Variants in SHOC2 observed in about 807,000 individuals in gnomAD.
SHOC2 encodes SHOC2 leucine rich repeat scaffold protein.
Under a neutral mutation model 50.2 loss-of-function variants are expected in SHOC2, and 4 were observed. The observed-to-expected ratio is 0.08, with a 90% confidence interval of 0.04 to 0.18. The LOEUF is 0.18. Ranked by LOEUF, SHOC2 falls within the 10% of genes least tolerant of loss-of-function variation. The pLI is 1.00. For missense variants in SHOC2, 388 were observed against 669.6 expected, an observed-to-expected ratio of 0.58 and a Z score of 4.64; for synonymous variants, 218 against 244.5, an observed-to-expected ratio of 0.89 and a Z score of 1.01.
intron 1 of SHOC2, among the ~76,000 whole-genome samples, chr10:110,948,772 GGA>G (rs1488232947): frequency 6.6e-6 from 1 of 152,040 alleles, no homozygotes; most frequent in East Asian, 1.9e-4. Context: ...CTTACATTAA[GGA>G]AAAAAGAAGA....
intron 1 of SHOC2, among the ~76,000 whole-genome samples, chr10:110,954,146 C>T (rs1847411918): frequency 6.6e-6 from 1 of 151,206 alleles, no homozygotes; most frequent in East Asian, 1.9e-4. Flanking sequence ...ATTTAGTGTT[C>T]ACAGTATATA....
chr10:110,966,170 C>G (rs1265461185), intron 2 of SHOC2, among the ~76,000 whole-genome samples: 9 of 151,924 alleles, frequency 5.9e-5, no homozygotes, highest in Admixed American at 5.9e-4. Flanking sequence ...TTAGGTATGA[C>G]TTGTTACATT....
At chr10:110,930,921 G>T (rs1846884783) in intron 1 of SHOC2, among the ~76,000 whole-genome samples, 1 of 152,006 alleles carries the variant, frequency 6.6e-6, no homozygotes, top group African/African-American at 2.4e-5. Context: ...CATATGGTGA[G>T]TTGAAGTGTT....
At chr10:110,956,056 G>C (rs1405171460) in intron 1 of SHOC2, among the ~76,000 whole-genome samples, 2 of 152,112 alleles carry the variant, frequency 1.3e-5, no homozygotes. Flanking sequence ...GCTATGTATG[G>C]GTAGCACATG....
intron 1 of SHOC2, among the ~76,000 whole-genome samples, chr10:110,922,852 G>GT (rs1846682099): frequency 6.6e-6 from 1 of 151,968 alleles, no homozygotes; most frequent in African/African-American, 2.4e-5. Context: ...GTAGGGATTG[G>GT]TATTTTGCTA....
chr10:110,984,034 A>T (rs959135887), intron 2 of SHOC2, among the ~76,000 whole-genome samples: 1 of 152,134 alleles, frequency 6.6e-6, no homozygotes, highest in African/African-American at 2.4e-5. Context: ...CTTGAAGTTG[A>T]ATTGCTGGAT....
At chr10:111,006,844 T>C (rs993372585) in intron 5 of SHOC2, among the ~76,000 whole-genome samples, 2 of 152,332 alleles carry the variant, frequency 1.3e-5, no homozygotes, top group East Asian at 1.9e-4. Context: ...CGAGTTGTTA[T>C]TGATGAAAGT....
intron 2 of SHOC2, among the ~76,000 whole-genome samples, chr10:110,983,493 A>G (rs890323095): frequency 1.3e-5 from 2 of 152,110 alleles, no homozygotes; most frequent in Admixed American, 6.6e-5. Flanking sequence ...GCTATGTCCC[A>G]TAAGTTTTTT....
At position 110,991,614 on chromosome 10, in the gene SHOC2, A is replaced by G. The variant is rs149961764; in HGVS notation, c.841+5849A>G. ...ATATTGTAGTCATTTATCGATTACCATGTTTATTAAAATAATTACTTTATC... is the reference window on the plus strand; with the variant it reads ...ATATTGTAGTCATTTATCGATTACCGTGTTTATTAAAATAATTACTTTATC... On this transcript the variant is annotated intron_variant, in intron 3 of 8. Coordinates refer to ENST00000369452, the MANE Select transcript of SHOC2 (RefSeq NM_007373.4). Among the ~76,000 whole-genome samples the G allele has an allele frequency of 3.5e-4, 54 of 152,332 alleles. No individual in the cohort carries two copies. In the East Asian group the frequency reaches 0.01, roughly 29 times the overall value.
intron 1 of SHOC2, among the ~76,000 whole-genome samples, chr10:110,942,613 G>A (rs999763263): frequency 6.6e-6 from 1 of 152,154 alleles, no homozygotes; most frequent in Non-Finnish European, 1.5e-5. Context: ...AACTGGCTCA[G>A]GTTTTGATAA....
intron 1 of SHOC2, among the ~76,000 whole-genome samples, chr10:110,956,377 T>A (rs948787707): frequency 2.6e-5 from 4 of 152,068 alleles, no homozygotes; most frequent in African/African-American, 9.7e-5. Flanking sequence ...CACACCTGGG[T>A]AATTTTTTTT....
At chr10:110,940,992 C>A (rs908173128) in intron 1 of SHOC2, among the ~76,000 whole-genome samples, 2 of 139,072 alleles carry the variant, frequency 1.4e-5, no homozygotes, top group East Asian at 4.4e-4. Flanking sequence ...GTGCAGTTAG[C>A]ACAATCTCTA....
At chr10:110,983,628 C>A (rs551463107) in intron 2 of SHOC2, among the ~76,000 whole-genome samples, 1 of 152,280 alleles carries the variant, frequency 6.6e-6, no homozygotes, top group Admixed American at 6.5e-5. Context: ...AGAACATTTT[C>A]GTCATCTGAG....
In SHOC2 at chr10:110,964,705, C is replaced by T. The variant is rs746936564; in HGVS notation, c.347C>T (p.Pro116Leu). The change falls in exon 2 of 9, where the codon CCA (proline) becomes CTA (leucine). Residue 116 changes from proline to leucine, a missense_variant. By Grantham distance (98) the Pro-to-Leu change is moderately conservative. Coordinates refer to ENST00000369452, the MANE Select transcript of SHOC2 (RefSeq NM_007373.4). The surrounding 1 kb of genome is among the most constrained non-coding windows in gnomAD (Gnocchi z 4.9). ...DLSKRSIHIL[P>L]SSIKELTQLT... Reference sequence around the variant, plus strand: ...TCCAAGAGATCTATACACATATTGCCATCATCAATCAAAGAGTTGACTCAA... The same window carrying T: ...TCCAAGAGATCTATACACATATTGCTATCATCAATCAAAGAGTTGACTCAA... 6.2e-7 allele frequency: 1 copy of T among 1,613,938 alleles called. No homozygotes were observed. The highest frequency in any genetic ancestry group is 8.5e-7 in the Non-Finnish European group (1 of 1,179,978).
chr10:110,946,694 G>A (rs1449270689), intron 1 of SHOC2, among the ~76,000 whole-genome samples: 1 of 151,864 alleles, frequency 6.6e-6, no homozygotes, highest in Non-Finnish European at 1.5e-5. Context: ...TGCATTCAAA[G>A]AAAAGCAAGA....
At chr10:110,946,082 A>G (rs2069585615) in intron 1 of SHOC2, among the ~76,000 whole-genome samples, 1 of 151,976 alleles carries the variant, frequency 6.6e-6, no homozygotes, top group Non-Finnish European at 1.5e-5. Flanking sequence ...CCTGAGTAGG[A>G]TTTTTTTAAT....
At chr10:111,006,371 TTTG>T (rs577790907) in intron 5 of SHOC2, among the ~76,000 whole-genome samples, 26 of 152,270 alleles carry the variant, frequency 1.7e-4, no homozygotes, top group African/African-American at 3.6e-4. Context: ...CAAATTTTTT[TTTG>T]TTGTTGTTGT....
chr10:110,950,784 G>T (rs1046660056), intron 1 of SHOC2, among the ~76,000 whole-genome samples: 1 of 152,096 alleles, frequency 6.6e-6, no homozygotes, highest in Admixed American at 6.5e-5. Flanking sequence ...TTCAATAAAT[G>T]GTGTTGGAAA....
At chr10:110,974,033 A>C (rs193051530) in intron 2 of SHOC2, among the ~76,000 whole-genome samples, 27 of 151,594 alleles carry the variant, frequency 1.8e-4, no homozygotes, top group South Asian at 4.2e-4. Context: ...TCTGGTCTTT[A>C]TTTTCAAATT....
Sources: allele counts gnomAD v4.1 joint callset (sites outside exome capture counted in the v4.1 genomes callset), GRCh38; gene constraint gnomAD v4.1.1; non-coding constraint Gnocchi (gnomAD v3.1); transcripts MANE v1.5; gene names NCBI Gene and HGNC (gene_info 2026-07-23, HGNC 2026-07-21).